Variants in CAMKMT observed in about 807,000 individuals in gnomAD.
The protein encoded by CAMKMT is calmodulin-lysine N-methyltransferase.
A neutral mutation model predicts 48.0 loss-of-function variants in CAMKMT; 53 were observed. The ratio of observed to expected loss-of-function variants is 1.10; its 90% CI spans 0.89 to 1.39. The LOEUF (loss-of-function observed/expected upper bound fraction) is 1.39, where lower values mean the gene tolerates loss of function less well. CAMKMT is among the 40% of genes most tolerant of loss of function. CAMKMT has a pLI of 0.00. For synonymous variants in CAMKMT, 165 were observed against 152.3 expected (o/e 1.08, Z -0.61); for missense variants, 428 against 402.7 (o/e 1.06, Z -0.54).
intron 3 of CAMKMT, among the ~76,000 whole-genome samples, chr2:44,606,617 A>T (rs903757331): frequency 5.9e-5 from 9 of 152,172 alleles, no homozygotes; most frequent in Non-Finnish European, 1.3e-4. Flanking sequence ...CATTTTTGAA[A>T]TGGTAGTGAT....
intron 3 of CAMKMT, among the ~76,000 whole-genome samples, chr2:44,423,330 C>T (rs1684056958): frequency 6.6e-6 from 1 of 152,086 alleles, no homozygotes; most frequent in Non-Finnish European, 1.5e-5. Flanking sequence ...CAGTCATGCA[C>T]CACCACTCCT....
chr2:44,421,469 A>G lies in CAMKMT; in HGVS notation c.376+31164A>G, dbSNP rs562920675. Reference sequence around the variant, plus strand: ...CCTTTAATAAATAAACATATCTTCAAATTTTCTCAGTAATGTGTCACTGAA... The same window carrying G: ...CCTTTAATAAATAAACATATCTTCAGATTTTCTCAGTAATGTGTCACTGAA... On this transcript the variant is annotated intron_variant, in intron 3 of 10. Transcript: ENST00000378494. 1.1e-4 allele frequency among the ~76,000 whole-genome samples: 16 copies of G among 152,278 alleles called. No homozygotes were observed. The South Asian group carries it at 3.3e-3, about 32-fold the overall frequency.
At chr2:44,671,904 CTT>C (rs1169510691) in intron 3 of CAMKMT, among the ~76,000 whole-genome samples, 1 of 152,176 alleles carries the variant, frequency 6.6e-6, no homozygotes, top group African/African-American at 2.4e-5. Context: ...CTAGGACACA[CTT>C]CAGATTCTTT....
intron 3 of CAMKMT, chr2:44,549,578 C>A: frequency 1.4e-6 from 1 of 692,586 alleles, no homozygotes; most frequent in South Asian, 1.5e-5. Flanking sequence ...CTCTGTTGCC[C>A]AGGCTGGAGT....
intron 3 of CAMKMT, among the ~76,000 whole-genome samples, chr2:44,423,780 C>G (rs1271550049): frequency 2.0e-5 from 3 of 152,108 alleles, no homozygotes; most frequent in Admixed American, 1.3e-4. Context: ...ATATTGAAGG[C>G]TTTATAATGA....
intron 3 of CAMKMT, among the ~76,000 whole-genome samples, chr2:44,536,551 C>G (rs1666782189): frequency 6.6e-6 from 1 of 151,958 alleles, no homozygotes; most frequent in Non-Finnish European, 1.5e-5. Flanking sequence ...TGGTTTCATA[C>G]TCCTGACCTC....
Position 44,740,600 on chromosome 2 carries a change from A to T in CAMKMT, c.624-3022A>T, listed in dbSNP as rs1469030217. Among the ~76,000 whole-genome samples the T allele has an allele frequency of 3.3e-5, 5 of 152,206 alleles. No individual in the cohort carries two copies. In the East Asian group the frequency reaches 7.7e-4, roughly 23 times the overall value. On this transcript the variant is annotated intron_variant, in intron 7 of 10. Coordinates refer to ENST00000378494, the MANE Select transcript of CAMKMT (RefSeq NM_024766.5). ...AATGTAAGTATAACTGCCAGATGTC[A>T]TTAAGAGTCCACTTGAGGTTCATAG...
chr2:44,769,204 C>T (rs1316193361), intron 10 of CAMKMT, among the ~76,000 whole-genome samples: 5 of 151,890 alleles, frequency 3.3e-5, no homozygotes, highest in African/African-American at 1.2e-4. Flanking sequence ...GGAGGAACAG[C>T]TTTGCCTCTT....
At chr2:44,620,510 T>C (rs2103929823) in intron 3 of CAMKMT, among the ~76,000 whole-genome samples, 1 of 152,340 alleles carries the variant, frequency 6.6e-6, no homozygotes, top group South Asian at 2.1e-4. Flanking sequence ...ATTTTCAGCC[T>C]CAGGTGGCCC....
At chr2:44,478,818 A>T (rs1212152420) in intron 3 of CAMKMT, among the ~76,000 whole-genome samples, 3 of 150,228 alleles carry the variant, frequency 2.0e-5, no homozygotes, top group African/African-American at 7.4e-5. Flanking sequence ...CTCCTGCCTC[A>T]GCCTCCCGAG....
intron 3 of CAMKMT, among the ~76,000 whole-genome samples, chr2:44,673,873 G>A (rs993574012): frequency 1.3e-5 from 2 of 152,148 alleles, no homozygotes; most frequent in African/African-American, 4.8e-5. Flanking sequence ...AAACAGCCGA[G>A]CATAATGGAA....
Position 44,397,084 on chromosome 2 carries a change from A to G in CAMKMT, c.376+6779A>G, listed in dbSNP as rs147559187. ...AAAAAAAAAAAAAAAAAGAAAAAGT[A>G]CACAATATTTTGTTTTAAAATAATA... On this transcript the variant is annotated intron_variant, in intron 3 of 10. Coordinates refer to ENST00000378494, the MANE Select transcript of CAMKMT (RefSeq NM_024766.5). Among the ~76,000 whole-genome samples the G allele has an allele frequency of 2.7e-4, 41 of 151,888 alleles. No homozygotes were observed. In the East Asian group the frequency reaches 6.8e-3, roughly 25 times the overall value.
At chr2:44,740,438 G>A (rs925887679) in intron 7 of CAMKMT, among the ~76,000 whole-genome samples, 3 of 152,116 alleles carry the variant, frequency 2.0e-5, no homozygotes, top group Non-Finnish European at 2.9e-5. Flanking sequence ...CTGGATTGCT[G>A]CAATTTTGAC....
At position 44,418,180 on chromosome 2, in the gene CAMKMT, G is replaced by A. The variant is rs551332229; in HGVS notation, c.376+27875G>A. On this transcript the variant is annotated intron_variant, in intron 3 of 10. Coordinates refer to ENST00000378494, the MANE Select transcript of CAMKMT (RefSeq NM_024766.5). ...GCACTCTAGCCTGGGCGACAAGAGC[G>A]GAACTCTGTCTCAAAAAAAAAAAAA... Among the ~76,000 whole-genome samples, 48 of 142,118 alleles carry A rather than the reference G, an allele frequency of 3.4e-4. No homozygotes were observed. The East Asian group carries it at 8.2e-3, about 24-fold the overall frequency. The allele number at this position is 142,118 out of a possible 152,430, so 93.2% of individuals were successfully genotyped here.
At chr2:44,716,692 G>A (rs1047695163) in intron 7 of CAMKMT, among the ~76,000 whole-genome samples, 6 of 152,122 alleles carry the variant, frequency 3.9e-5, no homozygotes, top group South Asian at 2.1e-4. Flanking sequence ...CAGTGCAGAC[G>A]GCCTTACCCT....
chr2:44,506,306 C>A (rs531944476), intron 3 of CAMKMT, among the ~76,000 whole-genome samples: 1 of 152,132 alleles, frequency 6.6e-6, no homozygotes, highest in Non-Finnish European at 1.5e-5. Flanking sequence ...ACTTGTATAC[C>A]TCATCTCTTC....
At chr2:44,398,567 C>CTTTTTTTTTT (rs10711902) in intron 3 of CAMKMT, among the ~76,000 whole-genome samples, 1 of 125,814 alleles carries the variant, frequency 7.9e-6, no homozygotes, top group East Asian at 2.2e-4. Context: ...CTTTTCTTTT[C>CTTTTTTTTTT]TTTTTTTTTT....
rs1573268438 is a variant in CAMKMT, at chr2:44,772,350, C to T, written c.*237C>T. On this transcript the variant is annotated 3_prime_UTR_variant, in exon 11 of 11. Coordinates refer to ENST00000378494, the MANE Select transcript of CAMKMT (RefSeq NM_024766.5). ...CGTCCTGCCCTAAACCTTTGTTTGTCTTTAAATGTGTATAAGCTGCCTGTC... is the reference window on the plus strand; with the variant it reads ...CGTCCTGCCCTAAACCTTTGTTTGTTTTTAAATGTGTATAAGCTGCCTGTC... The T allele has an allele frequency of 5.1e-6, 2 of 395,196 alleles. No homozygotes were observed. Among genetic ancestry groups the T allele is most frequent in the Admixed American group, 4.3e-5 (1 of 23,138 alleles). 24.5% of individuals were successfully genotyped at this position (395,196 alleles called of 1,614,324 possible).
intron 3 of CAMKMT, among the ~76,000 whole-genome samples, chr2:44,461,493 C>G (rs988025698): frequency 6.6e-6 from 1 of 152,130 alleles, no homozygotes; most frequent in African/African-American, 2.4e-5. Context: ...TTCTTAATCA[C>G]TGTTACTCTA....
Sources: allele counts gnomAD v4.1 joint callset (sites outside exome capture counted in the v4.1 genomes callset), GRCh38; gene constraint gnomAD v4.1.1; transcripts MANE v1.5; gene names NCBI Gene and HGNC (gene_info 2026-07-23, HGNC 2026-07-21).